Variants in MSRA observed in about 807,000 individuals in gnomAD.
The protein encoded by MSRA is methionine sulfoxide reductase A.
In MSRA, 54 loss-of-function variants were observed where a neutral mutation model predicts 31.3. The observed-to-expected ratio is 1.73, with a 90% CI of 1.39 to 2.17. MSRA has a LOEUF of 2.17. Ranked by LOEUF, MSRA falls within the 30% of genes most tolerant of loss-of-function variation. The pLI is 0.00. For synonymous variants in MSRA, 169 were observed against 116.5 expected (o/e 1.45, Z -2.90); for missense variants, 507 against 300.9 (o/e 1.69, Z -5.07).
intron 1 of MSRA, among the ~76,000 whole-genome samples, chr8:10,129,900 A>G (rs1372832161): frequency 6.6e-6 from 1 of 152,188 alleles, no homozygotes; most frequent in Non-Finnish European, 1.5e-5. Context: ...AATGATAAAT[A>G]TGAATACATA....
chr8:10,381,719 G>A, intron 5 of MSRA, among the ~76,000 whole-genome samples: 1 of 152,200 alleles, frequency 6.6e-6, no homozygotes, highest in East Asian at 1.9e-4. Context: ...GGGGTAATAG[G>A]TGCTGCCCCA....
intron 1 of MSRA, among the ~76,000 whole-genome samples, chr8:10,138,771 CCTTAT>C (rs1199444303): frequency 1.2e-4 from 18 of 152,190 alleles, no homozygotes; most frequent in African/African-American, 2.7e-4. Flanking sequence ...AAACCACTCC[CCTTAT>C]CTTAGTACAA....
At chr8:10,311,056 T>C (rs1173873356) in intron 4 of MSRA, among the ~76,000 whole-genome samples, 2 of 152,174 alleles carry the variant, frequency 1.3e-5, no homozygotes, top group Admixed American at 6.5e-5. Context: ...TAAAAAGAAA[T>C]GAAGTCAGAA....
chr8:10,379,007 T>C (rs1805904546), intron 5 of MSRA, among the ~76,000 whole-genome samples: 1 of 152,266 alleles, frequency 6.6e-6, no homozygotes, highest in Non-Finnish European at 1.5e-5. Context: ...TGCATATTTT[T>C]TTACGCAGAC....
chr8:10,183,107 A>G (rs1293818407), intron 1 of MSRA, among the ~76,000 whole-genome samples: 2 of 152,188 alleles, frequency 1.3e-5, no homozygotes, highest in African/African-American at 4.8e-5. Flanking sequence ...CCCTCATGTT[A>G]TAGCTTAGTT....
chr8:10,368,990 C>T (rs1442437162), intron 5 of MSRA, among the ~76,000 whole-genome samples: 1 of 152,192 alleles, frequency 6.6e-6, no homozygotes, highest in African/African-American at 2.4e-5. Flanking sequence ...CAGGGACCAA[C>T]ACCCGCAAGT....
intron 2 of MSRA, among the ~76,000 whole-genome samples, chr8:10,241,963 A>ATG (rs1405385257): frequency 6.6e-6 from 1 of 152,180 alleles, no homozygotes. Flanking sequence ...AATGGAGACA[A>ATG]TGTGTTGATT....
intron 1 of MSRA, among the ~76,000 whole-genome samples, chr8:10,163,127 G>C (rs1461799239): frequency 6.6e-6 from 1 of 152,160 alleles, no homozygotes; most frequent in African/African-American, 2.4e-5. Context: ...ACCAACTGTA[G>C]TCCAGAAGCG....
intron 2 of MSRA, among the ~76,000 whole-genome samples, chr8:10,244,845 A>G (rs1797531110): frequency 1.3e-5 from 2 of 152,122 alleles, no homozygotes. Context: ...TAGATTTACT[A>G]ACTCCTTTAA....
At chr8:10,295,487 C>A (rs1212269259) in intron 3 of MSRA, among the ~76,000 whole-genome samples, 1 of 152,184 alleles carries the variant, frequency 6.6e-6, no homozygotes, top group African/African-American at 2.4e-5. Context: ...CCCCTTGGTC[C>A]TTCTAGATGA....
chr8:10,151,817 G>A (rs568464929), intron 1 of MSRA, among the ~76,000 whole-genome samples: 9 of 152,242 alleles, frequency 5.9e-5, no homozygotes, highest in Middle Eastern at 3.4e-3. Context: ...CTTATTCTGC[G>A]TGTGTCACTT....
chr8:10,294,962 C>G (rs930544752), intron 3 of MSRA, among the ~76,000 whole-genome samples: 1 of 152,110 alleles, frequency 6.6e-6, no homozygotes, highest in African/African-American at 2.4e-5. Flanking sequence ...ATAGAAAGAC[C>G]TTCCCTGAAA....
At chr8:10,099,253 TTGGTGGCCCAGGCGTGAGGCAGAGC>T (rs1297614435) in intron 1 of MSRA, among the ~76,000 whole-genome samples, 1 of 152,156 alleles carries the variant, frequency 6.6e-6, no homozygotes, top group African/African-American at 2.4e-5. Context: ...GTAGGCTGCT[TTGGTGGCCCAGGCGTGAGGCAGAGC>T]TGGTGGCCCA....
intron 1 of MSRA, among the ~76,000 whole-genome samples, chr8:10,170,602 T>A (rs1805508969): frequency 6.6e-6 from 1 of 152,246 alleles, no homozygotes; most frequent in Non-Finnish European, 1.5e-5. Flanking sequence ...ATCAACCATT[T>A]GCAAAGCATT....
rs530285852 is a variant in MSRA, at chr8:10,224,655, A to T, written c.211+16754A>T. Among the ~76,000 whole-genome samples, 234 of 152,238 alleles carry T rather than the reference A, an allele frequency of 1.5e-3. 1 individual carries two copies. The highest frequency in any genetic ancestry group is 5.2e-3 in the African/African-American group (218 of 41,534). On this transcript the variant is annotated intron_variant, in intron 2 of 5. Transcript: ENST00000317173. ...GAGTCCCTCTACTGACAGTCCCTGG[A>T]TTCATCACCACCACATTTCTAAGAA...
At chr8:10,323,198 G>A (rs1185960588) in intron 5 of MSRA, among the ~76,000 whole-genome samples, 1 of 151,790 alleles carries the variant, frequency 6.6e-6, no homozygotes, top group African/African-American at 2.4e-5. Flanking sequence ...ACACTACACT[G>A]GGCACCACAG....
chr8:10,425,614 C>G (rs986677726), intron 5 of MSRA, among the ~76,000 whole-genome samples: 4 of 152,228 alleles, frequency 2.6e-5, no homozygotes, highest in Non-Finnish European at 4.4e-5. Flanking sequence ...GCTGGGAGGT[C>G]TGCACAGGTG....
chr8:10,270,417 A>G (rs974550903), intron 3 of MSRA, among the ~76,000 whole-genome samples: 11 of 152,184 alleles, frequency 7.2e-5, no homozygotes, highest in African/African-American at 2.4e-4. Flanking sequence ...GAAAAAAAAA[A>G]AAAAAACTAT....
intron 5 of MSRA, among the ~76,000 whole-genome samples, chr8:10,388,434 C>T (rs1022366689): frequency 6.6e-6 from 1 of 152,218 alleles, no homozygotes; most frequent in Non-Finnish European, 1.5e-5. Flanking sequence ...GTTTTCAGAG[C>T]TTCTCCTGTG....
Sources: gnomAD v4.1 joint callset for allele counts (sites outside exome capture counted in the v4.1 genomes callset) on GRCh38, gnomAD v4.1.1 for gene constraint, MANE v1.5 for transcripts, NCBI Gene and HGNC (gene_info 2026-07-23, HGNC 2026-07-21) for gene names.